The following IGSF22 variants were observed in gnomAD, a reference collection of about 807,000 sequenced individuals.
IGSF22 encodes the protein immunoglobulin superfamily member 22, also known as immunoglobulin superfamily, member 22.
In IGSF22, 119 loss-of-function variants were observed where a neutral mutation model predicts 127.0. That is an observed-to-expected ratio of 0.94 (90% CI 0.81 to 1.09). The LOEUF (loss-of-function observed/expected upper bound fraction) is 1.09. IGSF22 is among the 50% of genes least tolerant of loss of function. IGSF22 has a pLI of 0.00. For synonymous variants in IGSF22, 568 were observed against 664.7 expected (o/e 0.85, Z 2.24); for missense variants, 1,518 against 1,716.6 (o/e 0.88, Z 2.04).
At chr11:18,713,795 G>C in intron 14 of IGSF22, 57 bp downstream of exon 14, 1 of 1,383,402 alleles carries the variant, frequency 7.2e-7, no homozygotes, top group Non-Finnish European at 9.9e-7. Context: ...CTTCTGCCCT[G>C]AGTCTGGGCA....
In IGSF22 at chr11:18,709,514, G is replaced by T. The variant is rs768940205; in HGVS notation, c.2871C>A (p.Gly957=). ...WSKCTKIPIS[G]TCYTVGGLIE... is the part of the protein sequence containing the mutation. ...TGAGTCCTCCCACTGTGTAGCAGGT[G>T]CCTGAGATGGGGATCTTTGTGCACT... is the stretch of plus-strand genomic sequence containing the variant. The change falls in exon 18 of 23, where the codon GGC becomes GGA. Residue 957 remains glycine, a synonymous_variant. Coordinates refer to ENST00000513874, the MANE Select transcript of IGSF22 (RefSeq NM_173588.4). This position sits in a 1 kb window ranked among gnomAD's most constrained non-coding sequence, Gnocchi z 4.8. 2 of 1,614,212 alleles carry T rather than the reference G, an allele frequency of 1.2e-6. No homozygotes were observed. Among genetic ancestry groups the T allele is most frequent in the Admixed American group, 3.3e-5 (2 of 60,030 alleles).
chr11:18,724,751 C>G (rs932218557), intron 1 of IGSF22, among the ~76,000 whole-genome samples: 4 of 152,182 alleles, frequency 2.6e-5, no homozygotes, highest in Non-Finnish European at 5.9e-5. Context: ...GATGACAAAA[C>G]ATCACTACAA....
At chr11:18,721,455 G>T in intron 4 of IGSF22, 80 bp downstream of exon 4, 7 of 1,585,978 alleles carry the variant, frequency 4.4e-6, no homozygotes, top group Non-Finnish European at 6.0e-6. Flanking sequence ...GGCTCTCATC[G>T]GTGAGAAGAC....
At chr11:18,715,765 T>C in intron 10 of IGSF22, 49 bp from the exon 11 acceptor site, 9 of 1,565,270 alleles carry the variant, frequency 5.7e-6, no homozygotes, top group Non-Finnish European at 7.8e-6. Context: ...CGACATCTTT[T>C]TTCTGCAGCT....
At chr11:18,723,362 CT>C (rs1276505027) in intron 2 of IGSF22, among the ~76,000 whole-genome samples, 2 of 152,258 alleles carry the variant, frequency 1.3e-5, no homozygotes, top group African/African-American at 2.4e-5. Flanking sequence ...GACCATAGGC[CT>C]TGAGTCCCAG....
intron 15 of IGSF22, among the ~76,000 whole-genome samples, chr11:18,711,791 T>C (rs762258877): frequency 4.6e-5 from 7 of 152,190 alleles, no homozygotes; most frequent in Non-Finnish European, 7.3e-5. Context: ...TCATGCTCAC[T>C]TGGATTCTGG....
rs1169901656 is a variant in IGSF22, at chr11:18,710,322, C to T, written c.2701+5G>A. 1 of 1,613,710 alleles carries T rather than the reference C, an allele frequency of 6.2e-7. No homozygotes were observed. Among genetic ancestry groups the T allele is most frequent in the East Asian group, 2.2e-5 (1 of 44,844 alleles). Reference sequence around the variant, plus strand: ...TGTGTCAGGACCTGGCAGCCGCATACTCACTAACAGGATCCTTGGCCACTA... The same window carrying T: ...TGTGTCAGGACCTGGCAGCCGCATATTCACTAACAGGATCCTTGGCCACTA... On this transcript the variant is annotated splice_donor_5th_base_variant and intron_variant, in intron 17 of 22. Coordinates refer to ENST00000513874, the MANE Select transcript of IGSF22 (RefSeq NM_173588.4).
At chr11:18,720,785 G>A (rs1848557057) in intron 4 of IGSF22, among the ~76,000 whole-genome samples, 1 of 152,212 alleles carries the variant, frequency 6.6e-6, no homozygotes, top group Non-Finnish European at 1.5e-5. Context: ...TTGTGTAAGA[G>A]GTGGCCATCA....
chr11:18,721,600 C>G lies in IGSF22; in HGVS notation c.313G>C (p.Gly105Arg). The G allele has an allele frequency of 6.2e-7, 1 of 1,614,248 alleles. No individual in the cohort carries two copies. Among genetic ancestry groups the G allele is most frequent in the Non-Finnish European group, 8.5e-7 (1 of 1,180,046 alleles). Reference sequence around the variant, plus strand: ...TTGGCGGACTCCTTGATGGGGATGCCGCTCTCCCTCTTCCAGGAGATGTGG... The same window carrying G: ...TTGGCGGACTCCTTGATGGGGATGCGGCTCTCCCTCTTCCAGGAGATGTGG... Reference protein sequence around the residue: ...KPHISWKRESGIPIKESAKIF... With the variant: ...KPHISWKRESRIPIKESAKIF... Residue 105 changes from glycine to arginine, a missense_variant, in exon 4 of 23, where the codon GGC becomes CGC. Physicochemically the swap from Gly to Arg is moderately radical, Grantham distance 125. Transcript: ENST00000513874.
Position 18,714,006 on chromosome 11 carries a change from T to G in IGSF22, c.1941A>C (p.Glu647Asp). 4 of 1,614,276 alleles carry G rather than the reference T, an allele frequency of 2.5e-6. No individual in the cohort carries two copies. The highest frequency in any genetic ancestry group is 3.4e-6 in the Non-Finnish European group (4 of 1,180,046). ...PKVTWYKDGM[E>D]VTEEERVSME... is the part of the protein sequence containing the mutation. ...TGGACACGCGTTCCTCCTCCGTCAC[T>G]TCCATGCCATCCTTGTACCATGTCA... Residue 647 changes from glutamate to aspartate, a missense_variant, in exon 14 of 23, where the codon GAA (glutamate) becomes GAC (aspartate). Coordinates refer to ENST00000513874, the MANE Select transcript of IGSF22 (RefSeq NM_173588.4).
chr11:18,722,278 CT>C (rs1334105893), intron 2 of IGSF22, among the ~76,000 whole-genome samples: 1 of 150,266 alleles, frequency 6.7e-6, no homozygotes, highest in Admixed American at 6.7e-5. Flanking sequence ...GGTCCATTAC[CT>C]TTATGGGGCC....
chr11:18,709,277 T>C lies in IGSF22; in HGVS notation c.2998+110A>G. 8.4e-7 allele frequency: 1 copy of C among 1,197,058 alleles called. No homozygotes were observed. The highest frequency in any genetic ancestry group is 1.2e-6 in the Non-Finnish European group (1 of 855,326). 74.2% of individuals were successfully genotyped at this position (1,197,058 alleles called of 1,614,324 possible). Reference sequence around the variant, plus strand: ...TCCAGGCACAACAACTATGGATGACTTTTTCATGATCCTAGCATCATCCAA... The same window carrying C: ...TCCAGGCACAACAACTATGGATGACCTTTTCATGATCCTAGCATCATCCAA... On this transcript the variant is annotated intron_variant, in intron 18 of 22. Transcript: ENST00000513874. The surrounding 1 kb of genome is among the most constrained non-coding windows in gnomAD (Gnocchi z 4.8).
chr11:18,706,132 C>T lies in IGSF22; in HGVS notation c.3595G>A (p.Ala1199Thr). The change falls in exon 22 of 23, where the codon GCC becomes ACC. Residue 1199 changes from alanine to threonine, a missense_variant. Transcript: ENST00000513874. The stretch of plus-strand genomic sequence containing the variant: ...TTCTTCTCGTAGGGCTTGAGCTTGG[C>T]GCTCAGGTCCTGGACTGCGCGGGCG... ...INKDQIQDLS[A>T]KLKPYEKKDW... The T allele has an allele frequency of 6.5e-7, 1 of 1,541,634 alleles. No homozygotes were observed. Among genetic ancestry groups the T allele is most frequent in the Middle Eastern group, 1.7e-4 (1 of 5,842 alleles).
At chr11:18,707,323 C>T (rs918862271) in intron 20 of IGSF22, 110 bp from the exon 21 acceptor site, 6 of 1,000,782 alleles carry the variant, frequency 6.0e-6, no homozygotes, top group Non-Finnish European at 7.0e-6. Context: ...AAGTCTCAGG[C>T]AGCTGGTGTC....
Position 18,709,516 on chromosome 11 carries a change from C to T in IGSF22, c.2869G>A (p.Gly957Ser). Reference sequence around the variant, plus strand: ...AGTCCTCCCACTGTGTAGCAGGTGCCTGAGATGGGGATCTTTGTGCACTTG... The same window carrying T: ...AGTCCTCCCACTGTGTAGCAGGTGCTTGAGATGGGGATCTTTGTGCACTTG... ...WSKCTKIPIS[G>S]TCYTVGGLIE... is the part of the protein sequence containing the mutation. Residue 957 changes from glycine to serine, a missense_variant, in exon 18 of 23, where the codon GGC becomes AGC. Gly to Ser is a moderately conservative substitution (Grantham distance 56). Coordinates refer to ENST00000513874, the MANE Select transcript of IGSF22 (RefSeq NM_173588.4). The surrounding 1 kb of genome is among the most constrained non-coding windows in gnomAD (Gnocchi z 4.8). 1 of 1,614,220 alleles carries T rather than the reference C, an allele frequency of 6.2e-7. No homozygotes were observed. The highest frequency in any genetic ancestry group is 8.5e-7 in the Non-Finnish European group (1 of 1,180,040).
rs1273518647 is a variant in IGSF22 at position 18,709,568 on chromosome 11, C to T, written c.2817G>A (p.Met939Ile). 2 of 1,614,212 alleles carry T rather than the reference C, an allele frequency of 1.2e-6. No individual in the cohort carries two copies. Among genetic ancestry groups the T allele is most frequent in the Non-Finnish European group, 1.7e-6 (2 of 1,180,038 alleles). ...GDPPSGYILE[M>I]RAEDTKEWSK... ...ACCACTCCTTTGTGTCTTCAGCCCT[C>T]ATCTCAAGGATGTAGCCAGAGGGTG... The change falls in exon 18 of 23, where the codon ATG (methionine) becomes ATA (isoleucine). Residue 939 changes from methionine (M) to isoleucine (I), a missense_variant. By Grantham distance (10) the Met-to-Ile change is conservative. This residue lies in a region of IGSF22 where 1,456 missense variants were observed against 1,644.9 expected (regional missense o/e 0.89). Coordinates refer to ENST00000513874, the MANE Select transcript of IGSF22 (RefSeq NM_173588.4). This position sits in a 1 kb window ranked among gnomAD's most constrained non-coding sequence, Gnocchi z 4.8.
chr11:18,713,441 T>C (rs555694321), intron 14 of IGSF22, among the ~76,000 whole-genome samples: 1 of 152,304 alleles, frequency 6.6e-6, no homozygotes, highest in African/African-American at 2.4e-5. Flanking sequence ...GTGTGAGCTA[T>C]AGGTGAGCTA....
At chr11:18,717,041 C>T (rs1217763893) in intron 9 of IGSF22, 41 bp from the exon 10 acceptor site, 7 of 1,603,508 alleles carry the variant, frequency 4.4e-6, no homozygotes, top group Non-Finnish European at 5.1e-6. Flanking sequence ...GGGCTGGTCC[C>T]TCCTGAGGGG....
At position 18,705,780 on chromosome 11, in the gene IGSF22, T is replaced by C. The variant is rs538222440; in HGVS notation, c.3910+37A>G. 108 of 1,495,740 alleles carry C rather than the reference T, an allele frequency of 7.2e-5. 1 individual carries two copies. In the South Asian group the frequency reaches 1.3e-3, roughly 17 times the overall value. 92.7% of individuals were successfully genotyped at this position (1,495,740 alleles called of 1,614,324 possible). A position where few individuals can be genotyped will look rare whatever the true frequency, so the allele number is the denominator to read the frequency against. On this transcript the variant is annotated intron_variant, in intron 22 of 22. Coordinates refer to ENST00000513874, the MANE Select transcript of IGSF22 (RefSeq NM_173588.4). ...CCACAAGACCAGCCTTTTGCGCCTC[T>C]CCCCCTCCTCGAGGCCGGACCCCGC...
Sources: allele counts gnomAD v4.1 joint callset (sites outside exome capture counted in the v4.1 genomes callset), GRCh38; gene constraint gnomAD v4.1.1; regional missense constraint gnomAD v4.1.1; non-coding constraint Gnocchi (gnomAD v3.1); transcripts MANE v1.5; gene names NCBI Gene and HGNC (gene_info 2026-07-23, HGNC 2026-07-21).